Variants in SPRTN observed in about 807,000 individuals in gnomAD.
SPRTN encodes SprT-like N-terminal domain, also known as DNA-dependent metalloprotease SPRTN.
In SPRTN, 11 loss-of-function variants were observed where a neutral mutation model predicts 31.9. The ratio of observed to expected loss-of-function variants is 0.34; its 90% CI spans 0.22 to 0.57. The LOEUF (loss-of-function observed/expected upper bound fraction) is 0.57. Among genes scored for constraint, SPRTN ranks in the 20% least tolerant of loss-of-function variants. The pLI is 0.86. For synonymous variants in SPRTN, 185 were observed against 212.1 expected (o/e 0.87, Z 1.11); for missense variants, 482 against 590.1 (o/e 0.82, Z 1.90).
intron 2 of SPRTN, 179 bp downstream of exon 2, chr1:231,340,047 TAAAA>T: frequency 6.9e-6 from 2 of 291,070 alleles, no homozygotes; most frequent in East Asian, 1.3e-4. Flanking sequence ...TGCTTCATAG[TAAAA>T]AAAAAAAAAA....
chr1:231,349,014 C>T (rs1297411988), intron 3 of SPRTN, among the ~76,000 whole-genome samples: 1 of 152,126 alleles, frequency 6.6e-6, no homozygotes, highest in African/African-American at 2.4e-5. Context: ...CTCTGTTGCC[C>T]AGGCTGGATG....
In SPRTN at chr1:231,353,035, T is replaced by C; in HGVS notation, c.1144T>C (p.Ser382Pro). 6.2e-7 allele frequency: 1 copy of C among 1,614,132 alleles called. No homozygotes were observed. Among genetic ancestry groups the C allele is most frequent in the Non-Finnish European group, 8.5e-7 (1 of 1,180,008 alleles). The part of the protein sequence containing the change: ...VSSSKISLRN[S>P]SKVTESASVM... ...ATCTTCTAAGATATCCCTAAGAAATTCTTCAAAAGTAACGGAATCAGCATC... is the reference window on the plus strand; with the variant it reads ...ATCTTCTAAGATATCCCTAAGAAATCCTTCAAAAGTAACGGAATCAGCATC... Residue 382 changes from serine to proline, a missense_variant, in exon 5 of 5, where the codon TCT (serine) becomes CCT (proline). Around this residue, in one of 2 missense-constraint regions of SPRTN, gnomAD observed 325 missense variants for 350.2 expected, o/e 0.93. Transcript: ENST00000295050.
chr1:231,352,681 A>G lies in SPRTN; in HGVS notation c.790A>G (p.Ser264Gly). 1 of 1,613,948 alleles carries G rather than the reference A, an allele frequency of 6.2e-7. No homozygotes were observed. The highest frequency in any genetic ancestry group is 8.5e-7 in the Non-Finnish European group (1 of 1,179,906). ...SGKGYVLGET[S>G]NLPSPGKLIT... ...GAAAGGATATGTTCTAGGAGAAACA[A>G]GCAATTTACCTTCACCTGGGAAACT... The change falls in exon 5 of 5, where the codon AGC (serine) becomes GGC (glycine). Residue 264 changes from serine (S) to glycine (G), a missense_variant. Ser to Gly is a moderately conservative substitution (Grantham distance 56, BLOSUM62 0). Coordinates refer to ENST00000295050, the MANE Select transcript of SPRTN (RefSeq NM_032018.7).
chr1:231,352,292 A>AT (rs1274785994), intron 4 of SPRTN: 2 of 1,049,718 alleles, frequency 1.9e-6, no homozygotes, highest in Non-Finnish European at 2.3e-6. Context: ...GAGGCAGCAG[A>AT]TTTTCCCTCC....
At position 231,354,433 on chromosome 1, in the gene SPRTN, T is replaced by G. The variant is rs902264087; in HGVS notation, c.*1072T>G. 4.6e-5 allele frequency: 44 copies of G among 966,202 alleles called. No individual in the cohort carries two copies. Among genetic ancestry groups the G allele is most frequent in the Admixed American group, 1.8e-4 (3 of 16,230 alleles). The allele number at this position is 966,202 out of a possible 1,614,324, so 59.9% of individuals were successfully genotyped here. On this transcript the variant is annotated 3_prime_UTR_variant, in exon 5 of 5. Transcript: ENST00000295050. Reference sequence around the variant, plus strand: ...TTGTTGTAATACAGGTGCACAAATCTTAAGTGCACAGCTGGGTAAACTTTT... The same window carrying G: ...TTGTTGTAATACAGGTGCACAAATCGTAAGTGCACAGCTGGGTAAACTTTT...
At chr1:231,351,756 C>T in intron 4 of SPRTN, 185 bp downstream of exon 4, 1 of 1,410,276 alleles carries the variant, frequency 7.1e-7, no homozygotes, top group Non-Finnish European at 9.2e-7. Flanking sequence ...ACAGACTTTG[C>T]TCTGTACAGA....
Position 231,353,857 on chromosome 1 carries a change from T to G in SPRTN, c.*496T>G, listed in dbSNP as rs1261937335. On this transcript the variant is annotated 3_prime_UTR_variant, in exon 5 of 5. Coordinates refer to ENST00000295050, the MANE Select transcript of SPRTN (RefSeq NM_032018.7). Reference sequence around the variant, plus strand: ...TTTAGAGTACTCAAATTGTATTATTTATTAATTTTTTTGTTTGCAAAATCT... The same window carrying G: ...TTTAGAGTACTCAAATTGTATTATTGATTAATTTTTTTGTTTGCAAAATCT... 2.1e-6 allele frequency: 2 copies of G among 955,046 alleles called. No homozygotes were observed. Among genetic ancestry groups the G allele is most frequent in the African/African-American group, 3.5e-5 (2 of 56,626 alleles). 59.2% of individuals were successfully genotyped at this position (955,046 alleles called of 1,614,324 possible). A position where few individuals can be genotyped will look rare whatever the true frequency, so the allele number is the denominator to read the frequency against.
Position 231,354,205 on chromosome 1 carries a change from A to C in SPRTN, c.*844A>C. 1.0e-6 allele frequency: 1 copy of C among 980,736 alleles called. No individual in the cohort carries two copies. The highest frequency in any genetic ancestry group is 1.7e-5 in the African/African-American group (1 of 57,230). 60.8% of individuals were successfully genotyped at this position (980,736 alleles called of 1,614,324 possible). ...AAATAGTATTTTGAACTTTAAGCCA[A>C]GTTTAAAACATTATAATAAAAGGAA... On this transcript the variant is annotated 3_prime_UTR_variant, in exon 5 of 5. Transcript: ENST00000295050.
At position 231,354,054 on chromosome 1, in the gene SPRTN, A is replaced by G. The variant is rs990705481; in HGVS notation, c.*693A>G. The G allele has an allele frequency of 5.1e-6, 5 of 973,512 alleles. No homozygotes were observed. The highest frequency in any genetic ancestry group is 6.2e-5 in the Admixed American group (1 of 16,248). The allele number at this position is 973,512 out of a possible 1,614,324, so 60.3% of individuals were successfully genotyped here. ...TATAATTCTGTAGGCCAAATTTTATATTGAGTTTAGCTGTTTTCTCAAAAT... is the reference window on the plus strand; with the variant it reads ...TATAATTCTGTAGGCCAAATTTTATGTTGAGTTTAGCTGTTTTCTCAAAAT... On this transcript the variant is annotated 3_prime_UTR_variant, in exon 5 of 5. Transcript: ENST00000295050.
chr1:231,349,758 C>T (rs769366359), intron 3 of SPRTN, among the ~76,000 whole-genome samples: 10 of 152,084 alleles, frequency 6.6e-5, no homozygotes, highest in Non-Finnish European at 1.3e-4. Flanking sequence ...GCCTGTAATC[C>T]CAGCACTTTG....
chr1:231,351,139 CTAAATA>C (rs1687213085), intron 3 of SPRTN, among the ~76,000 whole-genome samples, 159 bp from the exon 4 acceptor site: 1 of 131,592 alleles, frequency 7.6e-6, no homozygotes, highest in African/African-American at 2.9e-5. Flanking sequence ...TGAACAGAAA[CTAAATA>C]TAGTTGCTTT....
chr1:231,347,155 G>A (rs1291172681), intron 2 of SPRTN, among the ~76,000 whole-genome samples: 2 of 152,076 alleles, frequency 1.3e-5, no homozygotes, highest in Non-Finnish European at 2.9e-5. Flanking sequence ...TGGAATATTT[G>A]TGTTATTCTT....
rs928105691 is a variant in SPRTN, at chr1:231,353,523, T to C, written c.*162T>C. 1 of 1,344,480 alleles carries C rather than the reference T, an allele frequency of 7.4e-7. No individual in the cohort carries two copies. The highest frequency in any genetic ancestry group is 3.6e-5 in the Admixed American group (1 of 27,726). 83.3% of individuals were successfully genotyped at this position (1,344,480 alleles called of 1,614,324 possible). A position where few individuals can be genotyped will look rare whatever the true frequency, so the allele number is the denominator to read the frequency against. ...TATATATACGCATATAAGATTGTAA[T>C]TTTAAGATGTTTTGTGTCTCAGGGT... is the stretch of plus-strand genomic sequence containing the variant. On this transcript the variant is annotated 3_prime_UTR_variant, in exon 5 of 5. Coordinates refer to ENST00000295050, the MANE Select transcript of SPRTN (RefSeq NM_032018.7).
intron 2 of SPRTN, chr1:231,344,516 A>G (rs1571994008): frequency 5.8e-6 from 1 of 173,264 alleles, no homozygotes; most frequent in African/African-American, 2.6e-5. Context: ...CTGAGAAATA[A>G]TAAGATAAAT....
chr1:231,353,386 C>T lies in SPRTN; in HGVS notation c.*25C>T. The T allele has an allele frequency of 6.5e-7, 1 of 1,545,874 alleles. No homozygotes were observed. Among genetic ancestry groups the T allele is most frequent in the Non-Finnish European group, 8.7e-7 (1 of 1,154,476 alleles). ...AAAAAGGTTTCAAAGTCTCAAGTACCACCTGTATTATCTCACTAATGTGCT... is the reference window on the plus strand; with the variant it reads ...AAAAAGGTTTCAAAGTCTCAAGTACTACCTGTATTATCTCACTAATGTGCT... On this transcript the variant is annotated 3_prime_UTR_variant, in exon 5 of 5. Coordinates refer to ENST00000295050, the MANE Select transcript of SPRTN (RefSeq NM_032018.7).
Position 231,353,034 on chromosome 1 carries a change from T to A in SPRTN, c.1143T>A (p.Asn381Lys). The A allele has an allele frequency of 6.2e-7, 1 of 1,614,166 alleles. No homozygotes were observed. The highest frequency in any genetic ancestry group is 8.5e-7 in the Non-Finnish European group (1 of 1,180,000). ...CATCTTCTAAGATATCCCTAAGAAA[T>A]TCTTCAAAAGTAACGGAATCAGCAT... Reference protein sequence around the residue: ...RVSSSKISLRNSSKVTESASV... With the variant: ...RVSSSKISLRKSSKVTESASV... Residue 381 changes from asparagine (N) to lysine (K), a missense_variant, in exon 5 of 5, where the codon AAT becomes AAA. By Grantham distance (94) the Asn-to-Lys change is moderately conservative (BLOSUM62 0). This residue lies in a region of SPRTN where 325 missense variants were observed against 350.2 expected (regional missense o/e 0.93). Coordinates refer to ENST00000295050, the MANE Select transcript of SPRTN (RefSeq NM_032018.7).
In SPRTN at chr1:231,352,561, C is replaced by G. The variant is rs1687269888; in HGVS notation, c.719-49C>G. The G allele has an allele frequency of 3.9e-6, 6 of 1,524,230 alleles. 1 individual carries two copies. The East Asian group carries it at 1.4e-4, about 35-fold the overall frequency. The allele number at this position is 1,524,230 out of a possible 1,614,324, so 94.4% of individuals were successfully genotyped here. A position where few individuals can be genotyped will look rare whatever the true frequency, so the allele number is the denominator to read the frequency against. On this transcript the variant is annotated intron_variant, in intron 4 of 4. Transcript: ENST00000295050. Reference sequence around the variant, plus strand: ...TAGTTTAATGTTTGTTACTGTATTTCTTTTGAGTTGAGGCACTTACATAAC... The same window carrying G: ...TAGTTTAATGTTTGTTACTGTATTTGTTTTGAGTTGAGGCACTTACATAAC...
rs1687340446 is a variant in SPRTN at position 231,354,679 on chromosome 1, G to A, written c.*1318G>A. The A allele has an allele frequency of 6.6e-6, 1 of 152,398 alleles. No individual in the cohort carries two copies. The highest frequency in any genetic ancestry group is 2.1e-4 in the South Asian group (1 of 4,832). 9.4% of individuals were successfully genotyped at this position (152,398 alleles called of 1,614,324 possible). A position where few individuals can be genotyped will look rare whatever the true frequency, so the allele number is the denominator to read the frequency against. ...GCAGGAGTTCATTTTCATTGCTCTT[G>A]CATTTGTATGAATATACTAGAATTT... On this transcript the variant is annotated 3_prime_UTR_variant, in exon 5 of 5. Transcript: ENST00000295050.
chr1:231,339,575 C>G, intron 1 of SPRTN, 194 bp from the exon 2 acceptor site: 1 of 748,394 alleles, frequency 1.3e-6, no homozygotes. Flanking sequence ...CGGCGGGGAT[C>G]GGAGCCATCG....
Sources: allele counts gnomAD v4.1 joint callset (sites outside exome capture counted in the v4.1 genomes callset), GRCh38; gene constraint gnomAD v4.1.1; regional missense constraint gnomAD v4.1.1; transcripts MANE v1.5; gene names NCBI Gene and HGNC (gene_info 2026-07-23, HGNC 2026-07-21).